OTOG: variants seen among roughly 807,000 people sequenced by gnomAD.
OTOG encodes the protein otogelin.
In OTOG, 296 loss-of-function variants were observed where a neutral mutation model predicts 313.8. That is an observed-to-expected ratio of 0.94 (90% CI 0.86 to 1.04). The LOEUF (loss-of-function observed/expected upper bound fraction) is 1.04, where lower values mean the gene tolerates loss of function less well. OTOG is among the 50% of genes least tolerant of loss of function. The pLI, the probability that OTOG is intolerant of heterozygous loss-of-function variation, is 0.00. For missense variants in OTOG, 3,948 were observed against 3,840.1 expected (o/e 1.03, Z -0.74); for synonymous variants, 1,533 against 1,554.9 (o/e 0.99, Z 0.33).
chr11:17,573,783 G>A (rs1293722750), intron 19 of OTOG, among the ~76,000 whole-genome samples: 2 of 152,186 alleles, frequency 1.3e-5, no homozygotes, highest in Non-Finnish European at 2.9e-5. Flanking sequence ...CTGACTCTCA[G>A]TAAGCTTTTA....
chr11:17,598,230 G>A (rs565749275), intron 30 of OTOG, among the ~76,000 whole-genome samples: 1 of 152,304 alleles, frequency 6.6e-6, no homozygotes, highest in Admixed American at 6.5e-5. Flanking sequence ...CACCAAAAAT[G>A]CAGTAATCAA....
Position 17,611,225 on chromosome 11 carries a change from C to T in OTOG, c.5925C>T (p.Pro1975=), listed in dbSNP as rs950074398. The part of the protein sequence containing the change: ...ALSRVSARTA[P]QDSMLVLLPQ... ...GCCGTGTCTCAGCCAGGACGGCCCCCCAAGACAGCATGCTGGTTCTGTTGC... is the reference window on the plus strand; with the variant it reads ...GCCGTGTCTCAGCCAGGACGGCCCCTCAAGACAGCATGCTGGTTCTGTTGC... The change falls in exon 36 of 56, where the codon CCC becomes CCT. Residue 1975 remains proline, a synonymous_variant. Transcript: ENST00000399397. The T allele has an allele frequency of 1.9e-6, 3 of 1,550,476 alleles. No homozygotes were observed. Among genetic ancestry groups the T allele is most frequent in the Non-Finnish European group, 2.6e-6 (3 of 1,147,008 alleles).
In OTOG at chr11:17,560,697, C is replaced by T. The variant is rs1320648254; in HGVS notation, c.1343-12C>T. On this transcript the variant is annotated splice_polypyrimidine_tract_variant and intron_variant, in intron 12 of 55. Coordinates refer to ENST00000399397, the MANE Select transcript of OTOG (RefSeq NM_001292063.2). ...CAAAGGTGAGTTAATTGGCCCTTTG[C>T]TGTCACTCTAGGGCTCATCTTCGAG... 4.5e-6 allele frequency: 7 copies of T among 1,545,196 alleles called. No homozygotes were observed. In the East Asian group the frequency reaches 1.7e-4, roughly 38 times the overall value.
chr11:17,634,994 T>C, intron 45 of OTOG, 46 bp downstream of exon 45: 1 of 1,526,614 alleles, frequency 6.6e-7, no homozygotes, highest in South Asian at 1.2e-5. Flanking sequence ...CTGAGGGCAG[T>C]GGGGGGAGGA....
At chr11:17,568,004 T>A (rs976564105) in intron 15 of OTOG, among the ~76,000 whole-genome samples, 3 of 151,926 alleles carry the variant, frequency 2.0e-5, no homozygotes, top group Admixed American at 1.3e-4. Context: ...GCCTCCCGGG[T>A]TCACGCCATT....
Position 17,559,035 on chromosome 11 carries a change from T to C in OTOG, c.1104-17T>C. The C allele has an allele frequency of 6.5e-7, 1 of 1,543,766 alleles. No individual in the cohort carries two copies. Among genetic ancestry groups the C allele is most frequent in the Non-Finnish European group, 8.8e-7 (1 of 1,142,678 alleles). On this transcript the variant is annotated splice_polypyrimidine_tract_variant and intron_variant, in intron 10 of 55. Coordinates refer to ENST00000399397, the MANE Select transcript of OTOG (RefSeq NM_001292063.2). The stretch of plus-strand genomic sequence containing the variant: ...TTTGGGTTTTGTTCCAGTGTGACCC[T>C]TGGTTTCTCTGCACAGATCAATGGG...
In OTOG at chr11:17,608,296, A is replaced by G; in HGVS notation, c.4157A>G (p.Asp1386Gly). The G allele has an allele frequency of 6.6e-7, 1 of 1,523,444 alleles. No individual in the cohort carries two copies. The allele number at this position is 1,523,444 out of a possible 1,614,324, so 94.4% of individuals were successfully genotyped here. A position where few individuals can be genotyped will look rare whatever the true frequency, so the allele number is the denominator to read the frequency against. Residue 1386 changes from aspartate (D) to glycine (G), a missense_variant and splice_region_variant, in exon 34 of 56, where the codon GAT (aspartate) becomes GGT (glycine). Asp to Gly is a moderately conservative substitution (Grantham distance 94). Coordinates refer to ENST00000399397, the MANE Select transcript of OTOG (RefSeq NM_001292063.2). The stretch of plus-strand genomic sequence containing the variant: ...GTTGCTGCCCCATCTCACTTTCTAG[A>G]TGCCAAGCCCTCGGGGGCTGCCTAC... ...FRRGTLFRLL[D>G]AKPSGAAYPI...
chr11:17,557,330 G>T lies in OTOG; in HGVS notation c.865+7G>T. On this transcript the variant is annotated splice_region_variant and intron_variant, in intron 8 of 55. Coordinates refer to ENST00000399397, the MANE Select transcript of OTOG (RefSeq NM_001292063.2). ...GATCTGGTGACCAGCTCTGGTGAGG[G>T]TCAGACAGGTGGCCTCTGAGGGGTG... 6.5e-7 allele frequency: 1 copy of T among 1,549,810 alleles called. No homozygotes were observed. Among genetic ancestry groups the T allele is most frequent in the Non-Finnish European group, 8.7e-7 (1 of 1,146,568 alleles).
At position 17,572,131 on chromosome 11, in the gene OTOG, G is replaced by T; in HGVS notation, c.2007G>T (p.Trp669Cys). ...ESTPQLFGNS[W>C]KTLSACSPLV... is the part of the protein sequence containing the mutation. ...CCCCACAACTTTTTGGCAATTCCTG[G>T]AAAACACTTTCTGCTTGCTCCCCGC... Residue 669 changes from tryptophan (W) to cysteine (C), a missense_variant, in exon 18 of 56, where the codon TGG becomes TGT. Physicochemically the swap from Trp to Cys is radical, Grantham distance 215. Coordinates refer to ENST00000399397, the MANE Select transcript of OTOG (RefSeq NM_001292063.2). The T allele has an allele frequency of 6.4e-7, 1 of 1,550,468 alleles. No homozygotes were observed. Among genetic ancestry groups the T allele is most frequent in the South Asian group, 1.2e-5 (1 of 84,048 alleles).
At chr11:17,632,322 T>G in intron 42 of OTOG, 96 bp downstream of exon 42, 4 of 1,272,632 alleles carry the variant, frequency 3.1e-6, no homozygotes, top group Non-Finnish European at 3.1e-6. Flanking sequence ...TCATGTATGC[T>G]TTCCCAGCTT....
rs1338947140 is a variant in OTOG, at chr11:17,640,801, C to T, written c.7992C>T (p.Gly2664=). Residue 2664 remains glycine (G), a synonymous_variant, in exon 50 of 56, where the codon GGC becomes GGT. Transcript: ENST00000399397. ...EFMHSVENVC[G]CAKYECVKAP... Reference sequence around the variant, plus strand: ...TGCACAGCGTGGAGAATGTGTGTGGCTGCGCCAAGTACGAGTGTGGTGAGT... The same window carrying T: ...TGCACAGCGTGGAGAATGTGTGTGGTTGCGCCAAGTACGAGTGTGGTGAGT... The T allele has an allele frequency of 6.5e-7, 1 of 1,550,202 alleles. No homozygotes were observed. The highest frequency in any genetic ancestry group is 8.7e-7 in the Non-Finnish European group (1 of 1,147,012).
chr11:17,612,681 G>A lies in OTOG; in HGVS notation c.6354G>A (p.Leu2118=). 1 of 1,550,614 alleles carries A rather than the reference G, an allele frequency of 6.4e-7. No homozygotes were observed. Among genetic ancestry groups the A allele is most frequent in the Non-Finnish European group, 8.7e-7 (1 of 1,146,988 alleles). The change falls in exon 38 of 56, where the codon CTG becomes CTA. Residue 2118 remains leucine, a synonymous_variant. Transcript: ENST00000399397. ...FVTFDGSHVA[L]FKEAIYILSQ... The stretch of plus-strand genomic sequence containing the variant: ...CCTTCGATGGGAGCCACGTAGCTCT[G>A]TTCAAGGAGGCCATCTACATCCTCA...
At chr11:17,554,941 A>G (rs1440744838) in intron 6 of OTOG, among the ~76,000 whole-genome samples, 1 of 152,194 alleles carries the variant, frequency 6.6e-6, no homozygotes, top group East Asian at 1.9e-4. Flanking sequence ...TTAGTTATAT[A>G]TATTTCTTAT....
At chr11:17,609,263 G>A (rs768796200) in intron 35 of OTOG, 54 bp downstream of exon 35, 2 of 1,478,556 alleles carry the variant, frequency 1.4e-6, no homozygotes, top group Non-Finnish European at 1.8e-6. Context: ...AGTCCCTAGG[G>A]TCTCACTGAG....
At chr11:17,626,450 A>G (rs937185899) in intron 39 of OTOG, among the ~76,000 whole-genome samples, 2 of 152,238 alleles carry the variant, frequency 1.3e-5, no homozygotes, top group Non-Finnish European at 2.9e-5. Flanking sequence ...TGCTGGGATT[A>G]CAGGCATGAG....
In OTOG at chr11:17,612,710, A is replaced by C; in HGVS notation, c.6383A>C (p.Gln2128Pro). ...LFKEAIYILS[Q>P]SPDEMLTVHV... ...AAGGAGGCCATCTACATCCTCAGCC[A>C]GAGCCCAGATGAAATGCTCACCGTC... The change falls in exon 38 of 56, where the codon CAG (glutamine) becomes CCG (proline). Residue 2128 changes from glutamine (Q) to proline (P), a missense_variant. Physicochemically the swap from Gln to Pro is moderately conservative, Grantham distance 76. Coordinates refer to ENST00000399397, the MANE Select transcript of OTOG (RefSeq NM_001292063.2). The C allele has an allele frequency of 6.4e-7, 1 of 1,550,632 alleles. No homozygotes were observed. Among genetic ancestry groups the C allele is most frequent in the South Asian group, 1.2e-5 (1 of 84,066 alleles).
At chr11:17,605,078 G>A (rs778432875) in intron 32 of OTOG, among the ~76,000 whole-genome samples, 13 of 152,244 alleles carry the variant, frequency 8.5e-5, no homozygotes, top group Non-Finnish European at 1.5e-4. Context: ...GCCCAGGCAT[G>A]AATGCGCTTG....
Position 17,609,184 on chromosome 11 carries a change from A to G in OTOG, c.4329A>G (p.Thr1443=), listed in dbSNP as rs2134087930. ...CCCCCCAGGTCCTGGATGAAGTCAC[A>G]CAGAGATGTGTCTACTTGGAGGACT... is the stretch of plus-strand genomic sequence containing the variant. ...CPTPQVLDEV[T]QRCVYLEDCV... The change falls in exon 35 of 56, where the codon ACA becomes ACG. Residue 1443 remains threonine, a synonymous_variant. Coordinates refer to ENST00000399397, the MANE Select transcript of OTOG (RefSeq NM_001292063.2). The G allele has an allele frequency of 6.4e-7, 1 of 1,550,504 alleles. No individual in the cohort carries two copies. The highest frequency in any genetic ancestry group is 2.4e-5 in the East Asian group (1 of 40,906).
intron 24 of OTOG, among the ~76,000 whole-genome samples, 181 bp from the exon 25 acceptor site, chr11:17,591,269 C>T (rs970615506): frequency 6.6e-6 from 1 of 152,184 alleles, no homozygotes; most frequent in South Asian, 2.1e-4. Context: ...TCTCTGAGCC[C>T]CTGTGTCTCC....
Sources: gnomAD v4.1 joint callset for allele counts (sites outside exome capture counted in the v4.1 genomes callset) on GRCh38, gnomAD v4.1.1 for gene constraint, MANE v1.5 for transcripts, NCBI Gene and HGNC (gene_info 2026-07-23, HGNC 2026-07-21) for gene names.